EBF1: variants seen among roughly 807,000 people sequenced by gnomAD.
The protein encoded by EBF1 is EBF transcription factor 1, also known as transcription factor COE1.
A neutral mutation model predicts 68.4 loss-of-function variants in EBF1; 10 were observed. The observed-to-expected ratio is 0.15, with a 90% CI of 0.09 to 0.25. EBF1 has a LOEUF of 0.25. Ranked by LOEUF, EBF1 falls within the 10% of genes least tolerant of loss-of-function variation. EBF1 has a pLI of 1.00. For synonymous variants in EBF1, 298 were observed against 299.8 expected (o/e 0.99, Z 0.06); for missense variants, 509 against 794.4 (o/e 0.64, Z 4.32).
chr5:158,793,898 T>C (rs1056482696), intron 9 of EBF1, among the ~76,000 whole-genome samples: 3 of 152,102 alleles, frequency 2.0e-5, no homozygotes, highest in Admixed American at 6.5e-5. Flanking sequence ...AAAACCTAAA[T>C]ATAGAAATAG....
At chr5:158,832,400 A>G (rs1009152007) in intron 7 of EBF1, among the ~76,000 whole-genome samples, 1 of 152,228 alleles carries the variant, frequency 6.6e-6, no homozygotes, top group East Asian at 1.9e-4. Context: ...TGTATTTACC[A>G]TGTTATGTGA....
rs536862170 is a variant in EBF1 at position 158,782,966 on chromosome 5, T to TA, written c.910-5428dup. On this transcript the variant is annotated intron_variant, in intron 9 of 15. Transcript: ENST00000313708. ...CACTGCTTGTATATCATGTAAGTGG[T>TA]AAAAAAGAAAAGGATGTCTAAATGT... 1.1e-3 allele frequency among the ~76,000 whole-genome samples: 164 copies of TA among 150,870 alleles called. 1 individual carries two copies. The highest frequency in any genetic ancestry group is 3.7e-3 in the African/African-American group (153 of 41,116).
chr5:158,835,540 C>G (rs1788568560), intron 7 of EBF1, among the ~76,000 whole-genome samples: 1 of 152,162 alleles, frequency 6.6e-6, no homozygotes, highest in Admixed American at 6.5e-5. Flanking sequence ...TCTGCTAGGA[C>G]AAATATCTCT....
intron 6 of EBF1, among the ~76,000 whole-genome samples, chr5:159,008,335 A>G (rs1383311074): frequency 1.3e-5 from 2 of 152,172 alleles, no homozygotes; most frequent in African/African-American, 4.8e-5. Context: ...AATAACTAAA[A>G]TATCCAATAG....
chr5:159,008,806 G>C (rs368224995), intron 6 of EBF1, among the ~76,000 whole-genome samples: 1 of 151,938 alleles, frequency 6.6e-6, no homozygotes, highest in Non-Finnish European at 1.5e-5. Flanking sequence ...CAAAGTGCTG[G>C]GATTACAGGT....
intron 6 of EBF1, among the ~76,000 whole-genome samples, chr5:158,869,220 C>T (rs1163130536): frequency 2.0e-5 from 3 of 152,102 alleles, no homozygotes; most frequent in Non-Finnish European, 4.4e-5. Flanking sequence ...AGATATCAAC[C>T]CAGGAGGAGA....
At chr5:158,886,770 G>A (rs569151670) in intron 6 of EBF1, among the ~76,000 whole-genome samples, 9 of 152,344 alleles carry the variant, frequency 5.9e-5, no homozygotes, top group African/African-American at 2.2e-4. Flanking sequence ...CCAGCACTTA[G>A]GGAGGCCAAG....
At chr5:158,803,962 G>C (rs1206150370) in intron 8 of EBF1, among the ~76,000 whole-genome samples, 1 of 147,126 alleles carries the variant, frequency 6.8e-6, no homozygotes, top group Non-Finnish European at 1.5e-5. Flanking sequence ...GTGTGTGTGT[G>C]TGTGTGTGTG....
intron 6 of EBF1, among the ~76,000 whole-genome samples, chr5:158,887,010 A>G (rs867501485): frequency 6.6e-6 from 1 of 152,196 alleles, no homozygotes. Flanking sequence ...CTCAAAAAAA[A>G]AGAGAGACTT....
chr5:158,980,775 C>T (rs1018144185), intron 6 of EBF1, among the ~76,000 whole-genome samples: 1 of 152,132 alleles, frequency 6.6e-6, no homozygotes, highest in East Asian at 1.9e-4. Flanking sequence ...ACAGTAAAAA[C>T]AGCAGGTGTT....
intron 15 of EBF1, among the ~76,000 whole-genome samples, chr5:158,705,000 T>G (rs867137905): frequency 1.3e-5 from 2 of 152,220 alleles, no homozygotes; most frequent in African/African-American, 4.8e-5. Flanking sequence ...TTTTCTTTCT[T>G]TCTGTCTTTC....
chr5:158,701,584 C>T (rs1347118523), intron 15 of EBF1, among the ~76,000 whole-genome samples: 5 of 152,146 alleles, frequency 3.3e-5, no homozygotes, highest in Admixed American at 1.3e-4. Context: ...CCCCTGGGTG[C>T]GTAAGTGAGG....
chr5:158,798,520 C>A (rs189572851), intron 8 of EBF1, among the ~76,000 whole-genome samples: 1 of 152,052 alleles, frequency 6.6e-6, no homozygotes, highest in Non-Finnish European at 1.5e-5. Flanking sequence ...CTTTGAGAAA[C>A]CCTCCTACAG....
intron 6 of EBF1, among the ~76,000 whole-genome samples, chr5:159,049,480 T>C (rs183881620): frequency 6.6e-6 from 1 of 152,362 alleles, no homozygotes; most frequent in African/African-American, 2.4e-5. Flanking sequence ...TCTCAGGCAT[T>C]CTGAACCACT....
At chr5:159,096,625 AC>A in intron 2 of EBF1, 1 of 629,834 alleles carries the variant, frequency 1.6e-6, no homozygotes, top group East Asian at 2.7e-5. Context: ...TCGGGCGCAC[AC>A]AGGCTATCCT....
chr5:158,745,062 T>A (rs886876113), intron 10 of EBF1, among the ~76,000 whole-genome samples: 1 of 152,206 alleles, frequency 6.6e-6, no homozygotes, highest in Non-Finnish European at 1.5e-5. Flanking sequence ...ATATAGTGTA[T>A]AATAACTAGA....
intron 6 of EBF1, among the ~76,000 whole-genome samples, chr5:158,924,623 C>A (rs575607541): frequency 6.6e-6 from 1 of 151,502 alleles, no homozygotes; most frequent in Admixed American, 6.6e-5. Flanking sequence ...AAGGCCGAGG[C>A]GGGCGGATCA....
chr5:158,802,776 C>A (rs766902713), intron 8 of EBF1, among the ~76,000 whole-genome samples: 19 of 152,118 alleles, frequency 1.2e-4, no homozygotes, highest in South Asian at 4.1e-4. Context: ...TCACAGAGTT[C>A]CAGCAAAATA....
intron 9 of EBF1, among the ~76,000 whole-genome samples, chr5:158,781,267 T>C (rs1039706999): frequency 6.6e-6 from 1 of 152,242 alleles, no homozygotes; most frequent in Non-Finnish European, 1.5e-5. Context: ...TCCAGATATC[T>C]TCTCTTATTC....
Sources: allele counts gnomAD v4.1 joint callset (sites outside exome capture counted in the v4.1 genomes callset), GRCh38; gene constraint gnomAD v4.1.1; transcripts MANE v1.5; gene names NCBI Gene and HGNC (gene_info 2026-07-23, HGNC 2026-07-21).